The following IL1RL1 variants were observed in gnomAD, a reference collection of about 807,000 sequenced individuals.
IL1RL1 encodes interleukin 1 receptor like 1.
In IL1RL1, 32 loss-of-function variants were observed where a neutral mutation model predicts 50.9. The ratio of observed to expected loss-of-function variants is 0.63; its 90% CI spans 0.47 to 0.84. The LOEUF (loss-of-function observed/expected upper bound fraction) is 0.84. IL1RL1 is among the 40% of genes least tolerant of loss of function. IL1RL1 has a pLI of 0.00. For synonymous variants in IL1RL1, 275 were observed against 236.0 expected (o/e 1.17, Z -1.51); for missense variants, 773 against 662.9 (o/e 1.17, Z -1.82).
At chr2:102,328,746 C>CA (rs773494918) in intron 1 of IL1RL1, among the ~76,000 whole-genome samples, 1 of 152,088 alleles carries the variant, frequency 6.6e-6, no homozygotes, top group Non-Finnish European at 1.5e-5. Context: ...ACAATTGCTT[C>CA]AAGAGAATGA....
At chr2:102,315,965 T>C in intron 1 of IL1RL1, among the ~76,000 whole-genome samples, 1 of 152,224 alleles carries the variant, frequency 6.6e-6, no homozygotes, top group South Asian at 2.1e-4. Flanking sequence ...CTTTAGGTTT[T>C]TCCATTTTCT....
intron 1 of IL1RL1, among the ~76,000 whole-genome samples, chr2:102,325,727 T>C (rs11123922): frequency 0.48 from 72,769 of 152,088 alleles, 17,697 homozygotes; most frequent in Middle Eastern, 0.64. Flanking sequence ...GTAGCCGATT[T>C]GATCAACTGG....
intron 1 of IL1RL1, among the ~76,000 whole-genome samples, chr2:102,318,337 T>C (rs1573128586): frequency 6.6e-6 from 1 of 151,900 alleles, no homozygotes; most frequent in African/African-American, 2.4e-5. Flanking sequence ...TGGCTTGAGA[T>C]TGATGTGCTG....
chr2:102,340,700 C>G lies in IL1RL1; in HGVS notation c.482C>G (p.Ala161Gly), dbSNP rs772536038. 6.3e-7 allele frequency: 1 copy of G among 1,599,144 alleles called. No homozygotes were observed. Among genetic ancestry groups the G allele is most frequent in the South Asian group, 1.1e-5 (1 of 88,378 alleles). The change falls in exon 5 of 11, where the codon GCG becomes GGG. Residue 161 changes from alanine to glycine, a missense_variant. Coordinates refer to ENST00000233954, the MANE Select transcript of IL1RL1 (RefSeq NM_016232.5). ...GCTCTTCAAGGATCAAGGTACAGGG[C>G]GCACAAGTCATTTTTGGTCATTGAT... ...CQALQGSRYR[A>G]HKSFLVIDNV... is the part of the protein sequence containing the mutation.
At chr2:102,350,110 T>G (rs1448383021) in intron 10 of IL1RL1, among the ~76,000 whole-genome samples, 1 of 152,194 alleles carries the variant, frequency 6.6e-6, no homozygotes, top group Non-Finnish European at 1.5e-5. Context: ...AAAGATACAA[T>G]TTAGGAGAAT....
intron 1 of IL1RL1, among the ~76,000 whole-genome samples, chr2:102,321,881 G>A (rs529612916): frequency 5.9e-5 from 9 of 152,272 alleles, no homozygotes; most frequent in Admixed American, 1.3e-4. Context: ...TGTGCGGTTC[G>A]CTATAGTTAC....
chr2:102,325,601 T>C (rs1676974102), intron 1 of IL1RL1, among the ~76,000 whole-genome samples: 1 of 151,906 alleles, frequency 6.6e-6, no homozygotes, highest in African/African-American at 2.4e-5. Context: ...TTAAAAACCT[T>C]GAAAAAAAAT....
chr2:102,339,085 TC>T, intron 3 of IL1RL1, 38 bp downstream of exon 3: 1 of 1,456,306 alleles, frequency 6.9e-7, no homozygotes, highest in Non-Finnish European at 9.6e-7. Flanking sequence ...TTCACCCTGC[TC>T]CCCTTTCTTC....
intron 1 of IL1RL1, among the ~76,000 whole-genome samples, chr2:102,317,151 G>A (rs1217871711): frequency 1.3e-5 from 2 of 152,058 alleles, no homozygotes; most frequent in Non-Finnish European, 2.9e-5. Context: ...TCAGGAGATC[G>A]AGACCATCCT....
At chr2:102,335,725 C>A (rs1304815572) in intron 1 of IL1RL1, among the ~76,000 whole-genome samples, 1 of 152,138 alleles carries the variant, frequency 6.6e-6, no homozygotes, top group Non-Finnish European at 1.5e-5. Context: ...AATGCTCCAA[C>A]TTAATACATG....
At chr2:102,331,016 C>A (rs1439890096) in intron 1 of IL1RL1, among the ~76,000 whole-genome samples, 1 of 152,200 alleles carries the variant, frequency 6.6e-6, no homozygotes, top group Non-Finnish European at 1.5e-5. Context: ...TCACAATAAA[C>A]TTATGTTGGC....
At position 102,340,838 on chromosome 2, in the gene IL1RL1, T is replaced by C. The variant is rs758270261; in HGVS notation, c.610+10T>C. On this transcript the variant is annotated intron_variant, in intron 5 of 10. Coordinates refer to ENST00000233954, the MANE Select transcript of IL1RL1 (RefSeq NM_016232.5). ...TCCTTCACGGTCAAGGGTAAGCTACTGACATTAATGAGATAGAATACTACG... is the reference window on the plus strand; with the variant it reads ...TCCTTCACGGTCAAGGGTAAGCTACCGACATTAATGAGATAGAATACTACG... 3 of 1,553,656 alleles carry C rather than the reference T, an allele frequency of 1.9e-6. No individual in the cohort carries two copies. Among genetic ancestry groups the C allele is most frequent in the Non-Finnish European group, 2.6e-6 (3 of 1,158,450 alleles).
chr2:102,325,375 A>C (rs1314687155), intron 1 of IL1RL1, among the ~76,000 whole-genome samples: 4 of 152,184 alleles, frequency 2.6e-5, no homozygotes, highest in Admixed American at 6.5e-5. Flanking sequence ...CAAAGACCAA[A>C]GGTAGATAAA....
rs191661831 is a variant in IL1RL1, at chr2:102,339,279, G to A, written c.272+232G>A. ...CAGTTGCAGGGATTGATTTGTAGCTGACTTAGAGAAAAACCTAGCTTTCCT... is the reference window on the plus strand; with the variant it reads ...CAGTTGCAGGGATTGATTTGTAGCTAACTTAGAGAAAAACCTAGCTTTCCT... On this transcript the variant is annotated intron_variant, in intron 3 of 10. Transcript: ENST00000233954. 5 of 449,906 alleles carry A rather than the reference G, an allele frequency of 1.1e-5. No homozygotes were observed. In the Admixed American group the frequency reaches 1.5e-4, roughly 13 times the overall value. The allele number at this position is 449,906 out of a possible 1,614,324, so 27.9% of individuals were successfully genotyped here.
chr2:102,312,243 GCC>G (rs1676538886), intron 1 of IL1RL1, among the ~76,000 whole-genome samples: 1 of 145,312 alleles, frequency 6.9e-6, no homozygotes, highest in Non-Finnish European at 1.5e-5. Flanking sequence ...GTGTTTTGGT[GCC>G]TTATGCAAAT....
chr2:102,324,696 G>A (rs1380921937), intron 1 of IL1RL1, among the ~76,000 whole-genome samples: 1 of 152,226 alleles, frequency 6.6e-6, no homozygotes, highest in Non-Finnish European at 1.5e-5. Context: ...GGCACACCAG[G>A]AGATTATATC....
At chr2:102,342,957 T>C in intron 6 of IL1RL1, 79 bp from the exon 7 acceptor site, 2 of 1,135,520 alleles carry the variant, frequency 1.8e-6, no homozygotes, top group South Asian at 1.5e-5. Flanking sequence ...TTCAGTAAGG[T>C]TTTTTTTTTA....
In IL1RL1 at chr2:102,340,971, C is replaced by A. The variant is rs1382952047; in HGVS notation, c.610+143C>A. 7 of 730,896 alleles carry A rather than the reference C, an allele frequency of 9.6e-6. No homozygotes were observed. The African/African-American group carries it at 1.3e-4, about 14-fold the overall frequency. The allele number at this position is 730,896 out of a possible 1,614,324, so 45.3% of individuals were successfully genotyped here. ...TCCATCTTATCTTATACATTCTGAA[C>A]TATGACGCAAAGAGGTTTTCTGAAC... On this transcript the variant is annotated intron_variant, in intron 5 of 10. Coordinates refer to ENST00000233954, the MANE Select transcript of IL1RL1 (RefSeq NM_016232.5).
intron 3 of IL1RL1, 41 bp from the exon 4 acceptor site, chr2:102,340,057 A>T (rs748211129): frequency 7.9e-7 from 1 of 1,266,146 alleles, no homozygotes; most frequent in Non-Finnish European, 1.1e-6. Context: ...TTATTTCACA[A>T]TGCTAAGTGA....
Sources: allele counts gnomAD v4.1 joint callset (sites outside exome capture counted in the v4.1 genomes callset), GRCh38; gene constraint gnomAD v4.1.1; transcripts MANE v1.5; gene names NCBI Gene and HGNC (gene_info 2026-07-23, HGNC 2026-07-21).